Variants in KLHL8 observed in about 807,000 individuals in gnomAD.
KLHL8 encodes kelch like family member 8, also known as kelch-like protein 8.
KLHL8 carries 38 observed loss-of-function variants against 63.5 expected under a neutral mutation model. That is an observed-to-expected ratio of 0.60 (90% CI 0.46 to 0.78). The LOEUF (loss-of-function observed/expected upper bound fraction) is 0.78, where lower values mean the gene tolerates loss of function less well. Among genes scored for constraint, KLHL8 ranks in the 30% least tolerant of loss-of-function variants. The pLI is 0.00. For synonymous variants in KLHL8, 224 were observed against 254.3 expected (o/e 0.88, Z 1.13); for missense variants, 566 against 752.4 (o/e 0.75, Z 2.90).
At chr4:87,231,161 G>A (rs1360042898) in intron 1 of KLHL8, among the ~76,000 whole-genome samples, 1 of 152,136 alleles carries the variant, frequency 6.6e-6, no homozygotes, top group Admixed American at 6.5e-5. Flanking sequence ...CCTGCCCGGT[G>A]GGGGCAACTC....
chr4:87,196,059 C>A (rs1408686948), intron 1 of KLHL8, among the ~76,000 whole-genome samples: 1 of 152,098 alleles, frequency 6.6e-6, no homozygotes, highest in East Asian at 1.9e-4. Flanking sequence ...ATGCAATCTA[C>A]CCACCTAGGC....
At chr4:87,191,316 A>T (rs570286259) in intron 2 of KLHL8, among the ~76,000 whole-genome samples, 1 of 152,086 alleles carries the variant, frequency 6.6e-6, no homozygotes, top group Non-Finnish European at 1.5e-5. Flanking sequence ...AAAAAGTGCA[A>T]AAATTAACTG....
At chr4:87,236,810 G>A (rs563158531) in intron 1 of KLHL8, among the ~76,000 whole-genome samples, 30 of 151,754 alleles carry the variant, frequency 2.0e-4, no homozygotes, top group Non-Finnish European at 2.8e-4. Context: ...GATTACAGGC[G>A]TGCACCACCA....
intron 6 of KLHL8, among the ~76,000 whole-genome samples, chr4:87,176,370 A>G (rs1422561154): frequency 2.6e-5 from 4 of 152,220 alleles, no homozygotes; most frequent in Non-Finnish European, 5.9e-5. Context: ...TGACAACCAA[A>G]AATGTCTTCA....
At chr4:87,236,405 C>T (rs778916826) in intron 1 of KLHL8, among the ~76,000 whole-genome samples, 9 of 151,812 alleles carry the variant, frequency 5.9e-5, no homozygotes, top group Non-Finnish European at 1.3e-4. Flanking sequence ...GACGGGATTT[C>T]ACTATGTTGG....
At chr4:87,170,396 G>A in intron 7 of KLHL8, 51 bp downstream of exon 7, 1 of 1,535,216 alleles carries the variant, frequency 6.5e-7, no homozygotes, top group Non-Finnish European at 8.8e-7. Flanking sequence ...CCTTATTTTG[G>A]TTATGAATGT....
chr4:87,223,389 A>G (rs1732919117), upstream of KLHL8, among the ~76,000 whole-genome samples: 1 of 152,214 alleles, frequency 6.6e-6, no homozygotes, highest in African/African-American at 2.4e-5. Flanking sequence ...GTAGTTACTA[A>G]CAAATCAAAG....
At chr4:87,212,751 C>T (rs959169986) in intron 1 of KLHL8, among the ~76,000 whole-genome samples, 3 of 152,110 alleles carry the variant, frequency 2.0e-5, no homozygotes, top group East Asian at 3.8e-4. Flanking sequence ...TTTAGACACA[C>T]GAATAGGTAA....
intron 4 of KLHL8, among the ~76,000 whole-genome samples, chr4:87,181,947 G>A (rs1195147420): frequency 6.6e-6 from 1 of 151,960 alleles, no homozygotes; most frequent in Admixed American, 6.6e-5. Flanking sequence ...TCAATTCTTG[G>A]GCCGGGCGCG....
chr4:87,175,904 A>G (rs978720185), intron 6 of KLHL8, among the ~76,000 whole-genome samples: 1 of 152,186 alleles, frequency 6.6e-6, no homozygotes, highest in Non-Finnish European at 1.5e-5. Flanking sequence ...CCTTAGTCCT[A>G]AAGTCAGTAT....
chr4:87,231,707 C>G (rs572667339), intron 1 of KLHL8, among the ~76,000 whole-genome samples: 1 of 152,266 alleles, frequency 6.6e-6, no homozygotes, highest in African/African-American at 2.4e-5. Context: ...AGCGATTCTC[C>G]TGCCTCAGCT....
rs1430560138 is a variant in KLHL8, at chr4:87,160,999, C to T, written c.*2520G>A. On this transcript the variant is annotated 3_prime_UTR_variant, in exon 10 of 10. Coordinates refer to ENST00000273963, the MANE Select transcript of KLHL8 (RefSeq NM_020803.5). ...CATGTCTCAATAAACGTGTTTTTGC[C>T]TGATAAAGAGAACTGTGCACATATT... 1 of 150,902 alleles carries T rather than the reference C, an allele frequency of 6.6e-6. No individual in the cohort carries two copies. Among genetic ancestry groups the T allele is most frequent in the Non-Finnish European group, 1.5e-5 (1 of 67,840 alleles). 9.3% of individuals were successfully genotyped at this position (150,902 alleles called of 1,614,324 possible). A position where few individuals can be genotyped will look rare whatever the true frequency, so the allele number is the denominator to read the frequency against.
chr4:87,212,986 G>A (rs1732466330), intron 1 of KLHL8, among the ~76,000 whole-genome samples: 1 of 152,172 alleles, frequency 6.6e-6, no homozygotes, highest in African/African-American at 2.4e-5. Context: ...CGCAATATTA[G>A]ATACTACTAT....
chr4:87,167,409 G>A, intron 8 of KLHL8: 1 of 455,894 alleles, frequency 2.2e-6, no homozygotes, highest in South Asian at 1.7e-5. Context: ...ATCTGGGTGG[G>A]CCAAATAAGG....
chr4:87,204,675 C>G (rs1379465351), intron 1 of KLHL8, among the ~76,000 whole-genome samples: 1 of 152,216 alleles, frequency 6.6e-6, no homozygotes, highest in African/African-American at 2.4e-5. Flanking sequence ...CTGGATGAAT[C>G]TCAATGGCTG....
At chr4:87,230,659 C>G (rs6855066) in intron 1 of KLHL8, among the ~76,000 whole-genome samples, 4,656 of 152,262 alleles carry the variant, frequency 0.031, 240 homozygotes, top group African/African-American at 0.11. Flanking sequence ...TATATAAGTA[C>G]TGATTATATT....
intron 1 of KLHL8, among the ~76,000 whole-genome samples, chr4:87,227,788 C>T (rs981708407): frequency 5.3e-5 from 8 of 152,160 alleles, no homozygotes; most frequent in Non-Finnish European, 1.0e-4. Context: ...TGAAAATAAG[C>T]TTTTATCTTG....
chr4:87,163,930 T>C lies in KLHL8; in HGVS notation c.1687A>G (p.Asn563Asp). Residue 563 changes from asparagine to aspartate, a missense_variant, in exon 9 of 10, where the codon AAT becomes GAT. Coordinates refer to ENST00000273963, the MANE Select transcript of KLHL8 (RefSeq NM_020803.5). ...ACTGTATTTAAGTATGCATTGCCAT[T>C]ATGACCACCAACTGCAAAGATTTTG... ...MGKIFAVGGH[N>D]GNAYLNTVEA... 1 of 1,614,168 alleles carries C rather than the reference T, an allele frequency of 6.2e-7. No individual in the cohort carries two copies. Among genetic ancestry groups the C allele is most frequent in the Non-Finnish European group, 8.5e-7 (1 of 1,180,024 alleles).
intron 1 of KLHL8, chr4:87,207,339 C>G (rs936777717): frequency 2.2e-4 from 138 of 628,362 alleles, no homozygotes; most frequent in Non-Finnish European, 3.3e-4. Context: ...CCTCCAAAAT[C>G]AAATGGGGCA....
Sources: gnomAD v4.1 joint callset for allele counts (sites outside exome capture counted in the v4.1 genomes callset) on GRCh38, gnomAD v4.1.1 for gene constraint, MANE v1.5 for transcripts, NCBI Gene and HGNC (gene_info 2026-07-23, HGNC 2026-07-21) for gene names.